The following PLCB4 variants were observed in gnomAD, a reference collection of about 807,000 sequenced individuals.
The protein encoded by PLCB4 is 1-phosphatidylinositol 4,5-bisphosphate phosphodiesterase beta-4.
Under a neutral mutation model 178.8 loss-of-function variants are expected in PLCB4, and 77 were observed. That is an observed-to-expected ratio of 0.43 (90% CI 0.36 to 0.52). The LOEUF (loss-of-function observed/expected upper bound fraction) is 0.52, where lower values mean the gene tolerates loss of function less well. Among genes scored for constraint, PLCB4 ranks in the 20% least tolerant of loss-of-function variants. PLCB4 has a pLI of 0.00. For synonymous variants in PLCB4, 496 were observed against 490.8 expected (o/e 1.01, Z -0.14); for missense variants, 1,024 against 1,453.4 (o/e 0.70, Z 4.80).
intron 3 of PLCB4, among the ~76,000 whole-genome samples, chr20:9,277,492 G>A (rs1440314872): frequency 6.6e-6 from 1 of 151,982 alleles, no homozygotes; most frequent in Non-Finnish European, 1.5e-5. Flanking sequence ...GATTAAAGAT[G>A]CACAGTATCA....
intron 7 of PLCB4, among the ~76,000 whole-genome samples, chr20:9,350,677 G>A (rs910537521): frequency 6.6e-6 from 1 of 152,038 alleles, no homozygotes; most frequent in African/African-American, 2.4e-5. Context: ...TTGTGCCTTG[G>A]CCTCCCAAGT....
intron 2 of PLCB4, among the ~76,000 whole-genome samples, chr20:9,097,601 A>G (rs897572250): frequency 6.6e-6 from 1 of 152,140 alleles, no homozygotes; most frequent in Non-Finnish European, 1.5e-5. Context: ...GTCCTGATTT[A>G]ATTACAATAA....
intron 2 of PLCB4, among the ~76,000 whole-genome samples, chr20:9,194,990 C>T (rs866388285): frequency 2.0e-5 from 3 of 152,048 alleles, no homozygotes; most frequent in African/African-American, 4.8e-5. Flanking sequence ...CTAAGTGAGG[C>T]GATGGCAAGA....
intron 7 of PLCB4, among the ~76,000 whole-genome samples, chr20:9,351,968 C>G (rs1223064941): frequency 6.6e-6 from 1 of 152,186 alleles, no homozygotes; most frequent in East Asian, 1.9e-4. Flanking sequence ...GTTTACTCAT[C>G]CCATACCAAC....
intron 35 of PLCB4, 104 bp downstream of exon 35, chr20:9,459,914 TA>T: frequency 1.4e-6 from 1 of 695,806 alleles, no homozygotes; most frequent in Non-Finnish European, 2.5e-6. Flanking sequence ...CAATTTGACG[TA>T]CAACATGTAG....
At chr20:9,315,310 C>A (rs78738620) in intron 4 of PLCB4, among the ~76,000 whole-genome samples, 4,776 of 152,170 alleles carry the variant, frequency 0.031, 205 homozygotes, top group African/African-American at 0.096. Context: ...TTTAACAATT[C>A]GGAAATATTT....
intron 3 of PLCB4, among the ~76,000 whole-genome samples, chr20:9,227,125 A>C (rs974489737): frequency 1.3e-5 from 2 of 149,790 alleles, no homozygotes; most frequent in African/African-American, 4.9e-5. Context: ...CCCTTTGCCC[A>C]TTTTTTAAGT....
At chr20:9,253,334 C>T (rs2094200448) in intron 3 of PLCB4, among the ~76,000 whole-genome samples, 1 of 152,174 alleles carries the variant, frequency 6.6e-6, no homozygotes, top group South Asian at 2.1e-4. Context: ...CTAACTCCTT[C>T]CTCTCCTTGC....
intron 14 of PLCB4, among the ~76,000 whole-genome samples, chr20:9,386,996 A>G (rs1199759736): frequency 2.0e-5 from 3 of 151,086 alleles, no homozygotes; most frequent in Admixed American, 1.3e-4. Context: ...GGTTCAAGCA[A>G]TTCTCATGCC....
chr20:9,408,192 C>T (rs2039587567), intron 22 of PLCB4, 134 bp downstream of exon 22: 9 of 749,278 alleles, frequency 1.2e-5, no homozygotes, highest in Non-Finnish European at 2.0e-5. Flanking sequence ...ATTTTTGTTT[C>T]ACAGACCATA....
chr20:9,300,968 C>T (rs2094695369), intron 3 of PLCB4, among the ~76,000 whole-genome samples: 1 of 151,940 alleles, frequency 6.6e-6, no homozygotes, highest in Non-Finnish European at 1.5e-5. Flanking sequence ...GCCACATTTC[C>T]TCCAGGCTGT....
chr20:9,142,149 T>C (rs549851126), intron 2 of PLCB4, among the ~76,000 whole-genome samples: 6 of 152,210 alleles, frequency 3.9e-5, no homozygotes, highest in African/African-American at 1.2e-4. Context: ...AGGAAGAGGC[T>C]GGAGCCAGAG....
intron 2 of PLCB4, among the ~76,000 whole-genome samples, chr20:9,119,553 A>G (rs1258201473): frequency 3.3e-5 from 5 of 151,798 alleles, no homozygotes; most frequent in African/African-American, 1.2e-4. Context: ...ACTCCATAGC[A>G]ATTTTACCAT....
chr20:9,352,477 A>G (rs1381028872), intron 7 of PLCB4, among the ~76,000 whole-genome samples: 1 of 152,198 alleles, frequency 6.6e-6, no homozygotes, highest in African/African-American at 2.4e-5. Flanking sequence ...AGGAATGCTA[A>G]CAAAGCCATT....
chr20:9,148,110 A>G (rs2092630163), intron 2 of PLCB4, among the ~76,000 whole-genome samples: 1 of 152,156 alleles, frequency 6.6e-6, no homozygotes, highest in South Asian at 2.1e-4. Context: ...GAAGGCTGAA[A>G]GGATTGTGGA....
At chr20:9,416,679 A>G (rs1051978629) in intron 25 of PLCB4, among the ~76,000 whole-genome samples, 6 of 152,332 alleles carry the variant, frequency 3.9e-5, no homozygotes, top group Admixed American at 2.6e-4. Flanking sequence ...CTAAAATTCC[A>G]TGAATACAGA....
rs553370834 is a variant in PLCB4 at position 9,150,559 on chromosome 20, T to G, written c.-79+54217T>G. Among the ~76,000 whole-genome samples the G allele has an allele frequency of 2.5e-3, 378 of 152,288 alleles. 3 individuals carry two copies. Among genetic ancestry groups the G allele is most frequent in the Non-Finnish European group, 3.9e-3 (263 of 68,024 alleles). ...TGGTACAAATCAATGCAGCTTCCAT[T>G]TTTTGAATACTTACTATGTAGCCAT... On this transcript the variant is annotated intron_variant, in intron 2 of 39. Coordinates refer to ENST00000378473, the MANE Select transcript of PLCB4 (RefSeq NM_001377142.1).
Position 9,389,916 on chromosome 20 carries a change from C to A in PLCB4, c.1196C>A (p.Thr399Lys). 6.3e-7 allele frequency: 1 copy of A among 1,585,212 alleles called. No individual in the cohort carries two copies. The highest frequency in any genetic ancestry group is 8.6e-7 in the Non-Finnish European group (1 of 1,156,342). ...GCCATCAAGGAAACTGCATTTGTCA[C>A]ATCAGAATATCCTGTAATTCTCTCC... is the stretch of plus-strand genomic sequence containing the variant. ...IQAIKETAFV[T>K]SEYPVILSFE... is the part of the protein sequence containing the mutation. The change falls in exon 16 of 40, where the codon ACA becomes AAA. Residue 399 changes from threonine (T) to lysine (K), a missense_variant. Transcript: ENST00000378473.
chr20:9,099,539 A>G (rs2091059099), intron 2 of PLCB4, among the ~76,000 whole-genome samples: 3 of 152,142 alleles, frequency 2.0e-5, no homozygotes, highest in African/African-American at 7.2e-5. Flanking sequence ...CATTAGCTAC[A>G]TGTGGCTAGA....
Sources: gnomAD v4.1 joint callset for allele counts (sites outside exome capture counted in the v4.1 genomes callset) on GRCh38, gnomAD v4.1.1 for gene constraint, MANE v1.5 for transcripts, NCBI Gene and HGNC (gene_info 2026-07-23, HGNC 2026-07-21) for gene names.